Variants in ALMS1 observed in about 807,000 individuals in gnomAD.
The protein encoded by ALMS1 is ALMS1 centrosome and basal body associated protein.
A neutral mutation model predicts 352.2 loss-of-function variants in ALMS1; 271 were observed. The observed-to-expected ratio is 0.77, with a 90% confidence interval of 0.70 to 0.85. ALMS1 has a LOEUF of 0.85. Among genes scored for constraint, ALMS1 ranks in the 40% least tolerant of loss-of-function variants. ALMS1 has a pLI of 0.00. For missense variants in ALMS1, 5,445 were observed against 4,870.7 expected, an observed-to-expected ratio of 1.12 and a Z score of -3.51; for synonymous variants, 1,865 against 1,761.2, an observed-to-expected ratio of 1.06 and a Z score of -1.48.
chr2:73,439,101 TCTCCTCCTC>T (rs1167688251), intron 7 of ALMS1, among the ~76,000 whole-genome samples: 1 of 148,622 alleles, frequency 6.7e-6, no homozygotes, highest in Admixed American at 6.8e-5. Flanking sequence ...TCTTTCTTTT[TCTCCTCCTC>T]CTCCTCTTTT....
At chr2:73,410,013 A>G (rs191662845) in intron 2 of ALMS1, among the ~76,000 whole-genome samples, 148 of 152,320 alleles carry the variant, frequency 9.7e-4, no homozygotes, top group Non-Finnish European at 1.9e-3. Flanking sequence ...TAGGCCTTCA[A>G]GGTACTGGAT....
At position 73,499,314 on chromosome 2, in the gene ALMS1, T is replaced by C. The variant is rs116197930; in HGVS notation, c.9539+7816T>C. ...ATTCTGTAGGTTGTCTTCTTCACTT[T>C]ATTGATTGTACCCTTTGCTGTAAAG... On this transcript the variant is annotated intron_variant, in intron 10 of 22. Coordinates refer to ENST00000613296, the MANE Select transcript of ALMS1 (RefSeq NM_001378454.1). Among the ~76,000 whole-genome samples the C allele has an allele frequency of 8.4e-3, 1,279 of 152,278 alleles. 16 individuals are homozygous for C. Among genetic ancestry groups the C allele is most frequent in the African/African-American group, 0.027 (1,130 of 41,544 alleles).
Position 73,491,089 on chromosome 2 carries a change from C to CT in ALMS1, c.9133dup (p.Ser3045PhefsTer17), listed in dbSNP as rs1672974972. 1 of 1,614,066 alleles carries CT rather than the reference C, an allele frequency of 6.2e-7. No individual in the cohort carries two copies. The highest frequency in any genetic ancestry group is 1.3e-5 in the African/African-American group (1 of 74,940). On this transcript the variant is annotated frameshift_variant, in exon 10 of 23. Coordinates refer to ENST00000613296, the MANE Select transcript of ALMS1 (RefSeq NM_001378454.1). LOFTEE classifies it high-confidence loss of function. Reference sequence around the variant, plus strand: ...TACTCCTCCTTCAAATAGAAAAGCACTTTCTTGTGTTCATATAACTCTTTG... The same window carrying CT: ...TACTCCTCCTTCAAATAGAAAAGCACTTTTCTTGTGTTCATATAACTCTTTG...
At position 73,419,235 on chromosome 2, in the gene ALMS1, C is replaced by T; in HGVS notation, c.563C>T (p.Pro188Leu). 1 of 1,613,982 alleles carries T rather than the reference C, an allele frequency of 6.2e-7. No homozygotes were observed. Among genetic ancestry groups the T allele is most frequent in the Non-Finnish European group, 8.5e-7 (1 of 1,179,926 alleles). ...GAAGATACTGAAGTGACAGACTTCC[C>T]CTCTCTGGAGGAGGGCATATTGACG... ...RTEDTEVTDF[P>L]SLEEGILTQS... Residue 188 changes from proline to leucine, a missense_variant, in exon 3 of 23, where the codon CCC becomes CTC. Physicochemically the swap from Pro to Leu is moderately conservative, Grantham distance 98 (BLOSUM62 -3). Transcript: ENST00000613296.
At chr2:73,403,424 G>A (rs1481916341) in intron 1 of ALMS1, among the ~76,000 whole-genome samples, 2 of 152,032 alleles carry the variant, frequency 1.3e-5, no homozygotes, top group Non-Finnish European at 2.9e-5. Context: ...CACTGTTTGG[G>A]TTACTATAAC....
At chr2:73,544,257 A>G (rs1404856590) in intron 12 of ALMS1, among the ~76,000 whole-genome samples, 14 of 152,166 alleles carry the variant, frequency 9.2e-5, no homozygotes, top group Non-Finnish European at 1.8e-4. Flanking sequence ...TCAGCAAACT[A>G]TTGCAAAGAC....
intron 4 of ALMS1, among the ~76,000 whole-genome samples, chr2:73,423,660 T>A (rs1020951693): frequency 3.3e-5 from 5 of 152,196 alleles, no homozygotes; most frequent in African/African-American, 1.2e-4. Flanking sequence ...TTACCTGATA[T>A]CACTTTTATG....
intron 7 of ALMS1, among the ~76,000 whole-genome samples, chr2:73,433,303 G>T (rs1347489194): frequency 6.6e-6 from 1 of 152,160 alleles, no homozygotes; most frequent in Non-Finnish European, 1.5e-5. Flanking sequence ...ACATTGAATG[G>T]GTATGGTAGA....
chr2:73,609,818 C>A lies in ALMS1; in HGVS notation c.*206C>A. The A allele has an allele frequency of 3.4e-6, 2 of 580,466 alleles. No individual in the cohort carries two copies. The highest frequency in any genetic ancestry group is 6.2e-6 in the Non-Finnish European group (2 of 323,940). The allele number at this position is 580,466 out of a possible 1,614,324, so 36.0% of individuals were successfully genotyped here. ...AATACTTTCTGCATAGTGGCCTTGTCCAATGGCCTGTGTGTTACAATGATA... is the reference window on the plus strand; with the variant it reads ...AATACTTTCTGCATAGTGGCCTTGTACAATGGCCTGTGTGTTACAATGATA... On this transcript the variant is annotated 3_prime_UTR_variant, in exon 23 of 23. Coordinates refer to ENST00000613296, the MANE Select transcript of ALMS1 (RefSeq NM_001378454.1).
At chr2:73,492,981 A>AG (rs1673023484) in intron 10 of ALMS1, among the ~76,000 whole-genome samples, 1 of 152,158 alleles carries the variant, frequency 6.6e-6, no homozygotes, top group South Asian at 2.1e-4. Flanking sequence ...AAAAAAAAAA[A>AG]AAAGTTTAGA....
intron 13 of ALMS1, among the ~76,000 whole-genome samples, chr2:73,551,330 C>T (rs182414445): frequency 4.6e-5 from 7 of 150,610 alleles, no homozygotes; most frequent in African/African-American, 1.7e-4. Flanking sequence ...CATCCATTCT[C>T]TTGTTTGCTT....
At chr2:73,395,194 G>T (rs916709835) in intron 1 of ALMS1, among the ~76,000 whole-genome samples, 2 of 147,306 alleles carry the variant, frequency 1.4e-5, no homozygotes, top group Non-Finnish European at 1.5e-5. Flanking sequence ...TGATTCTCAT[G>T]TCAGCCTCCT....
chr2:73,591,248 A>G lies in ALMS1; in HGVS notation c.11548-8153A>G, dbSNP rs146150631. On this transcript the variant is annotated intron_variant, in intron 16 of 22. Coordinates refer to ENST00000613296, the MANE Select transcript of ALMS1 (RefSeq NM_001378454.1). Reference sequence around the variant, plus strand: ...TGTTTTTAAAAAATTATCCTGCTTTACTTTTGATACTTTTTGAGGGATATG... The same window carrying G: ...TGTTTTTAAAAAATTATCCTGCTTTGCTTTTGATACTTTTTGAGGGATATG... 6.6e-5 allele frequency among the ~76,000 whole-genome samples: 10 copies of G among 152,288 alleles called. No individual in the cohort carries two copies. The East Asian group carries it at 1.5e-3, about 23-fold the overall frequency.
chr2:73,590,244 A>G (rs1675398869), intron 16 of ALMS1, among the ~76,000 whole-genome samples: 1 of 152,228 alleles, frequency 6.6e-6, no homozygotes, highest in African/African-American at 2.4e-5. Flanking sequence ...TCTCAGATTT[A>G]TATATATGAG....
At chr2:73,516,370 C>CTA (rs989126280) in intron 10 of ALMS1, among the ~76,000 whole-genome samples, 1 of 152,100 alleles carries the variant, frequency 6.6e-6, no homozygotes, top group African/African-American at 2.4e-5. Context: ...AGTTCAGCCA[C>CTA]TGGGGAAAAC....
chr2:73,491,653 A>G (rs959036791), intron 10 of ALMS1, among the ~76,000 whole-genome samples, 155 bp downstream of exon 10: 1 of 152,088 alleles, frequency 6.6e-6, no homozygotes, highest in Non-Finnish European at 1.5e-5. Context: ...CAAGGAATAA[A>G]TGTGTTAAGT....
intron 12 of ALMS1, among the ~76,000 whole-genome samples, chr2:73,539,756 A>C (rs959916401): frequency 6.6e-6 from 1 of 152,226 alleles, no homozygotes; most frequent in Non-Finnish European, 1.5e-5. Context: ...GATTTGATCA[A>C]CTGGCAGAAA....
At chr2:73,553,518 G>A (rs1674482817) in intron 13 of ALMS1, among the ~76,000 whole-genome samples, 1 of 152,058 alleles carries the variant, frequency 6.6e-6, no homozygotes, top group Non-Finnish European at 1.5e-5. Flanking sequence ...GATGAAGTAG[G>A]GATTGGCACA....
At chr2:73,486,672 C>G (rs752904886) in intron 9 of ALMS1, among the ~76,000 whole-genome samples, 1 of 152,244 alleles carries the variant, frequency 6.6e-6, no homozygotes, top group Non-Finnish European at 1.5e-5. Flanking sequence ...CTACGTTCTT[C>G]TCTACATCTT....
Sources: allele counts gnomAD v4.1 joint callset (sites outside exome capture counted in the v4.1 genomes callset), GRCh38; gene constraint gnomAD v4.1.1; transcripts MANE v1.5; gene names NCBI Gene and HGNC (gene_info 2026-07-23, HGNC 2026-07-21).